Variants in TNPO3 observed in about 807,000 individuals in gnomAD.
TNPO3 encodes transportin-3.
TNPO3 carries 65 observed loss-of-function variants against 122.8 expected under a neutral mutation model. That is an observed-to-expected ratio of 0.53 (90% CI 0.43 to 0.65). The LOEUF (loss-of-function observed/expected upper bound fraction) is 0.65. TNPO3 is among the 30% of genes least tolerant of loss of function. The pLI, the probability that TNPO3 is intolerant of heterozygous loss-of-function variation, is 0.00. For missense variants in TNPO3, 850 were observed against 1,136.7 expected (o/e 0.75, Z 3.63); for synonymous variants, 372 against 411.2 (o/e 0.90, Z 1.15).
At chr7:129,053,278 T>C (rs1809010786) in intron 1 of TNPO3, among the ~76,000 whole-genome samples, 2 of 150,428 alleles carry the variant, frequency 1.3e-5, no homozygotes, top group East Asian at 3.9e-4. Flanking sequence ...TGTGCCGAGA[T>C]AGCACCACTG....
chr7:129,044,621 C>T (rs1807803772), intron 1 of TNPO3, among the ~76,000 whole-genome samples: 1 of 152,146 alleles, frequency 6.6e-6, no homozygotes, highest in Non-Finnish European at 1.5e-5. Context: ...TAAGGTTTAT[C>T]TTAGAGGCTT....
At chr7:129,054,381 AACAAG>A (rs1325934207) in intron 1 of TNPO3, among the ~76,000 whole-genome samples, 1 of 152,196 alleles carries the variant, frequency 6.6e-6, no homozygotes, top group Non-Finnish European at 1.5e-5. Context: ...GGAGAACTTA[AACAAG>A]ATTAGATTGA....
At position 128,981,809 on chromosome 7, in the gene TNPO3, A is replaced by G. The variant is rs191740569; in HGVS notation, c.1859+439T>C. ...AGTGATGTGATCTTAGCTCACTGCA[A>G]CCTCTGCTTCCCAGGCTCAAGTGAT... On this transcript the variant is annotated intron_variant, in intron 14 of 22. Transcript: ENST00000265388. Among the ~76,000 whole-genome samples the G allele has an allele frequency of 4.4e-3, 662 of 151,696 alleles. 7 individuals carry two copies. Among genetic ancestry groups the G allele is most frequent in the African/African-American group, 0.016 (642 of 41,364 alleles).
chr7:128,996,216 C>T (rs569037351), intron 8 of TNPO3, among the ~76,000 whole-genome samples: 7 of 152,206 alleles, frequency 4.6e-5, no homozygotes, highest in African/African-American at 9.6e-5. Flanking sequence ...AGGATGAAAT[C>T]GATGTGGCAA....
At chr7:128,985,159 T>C (rs1373666231) in intron 12 of TNPO3, among the ~76,000 whole-genome samples, 1 of 152,206 alleles carries the variant, frequency 6.6e-6, no homozygotes, top group Admixed American at 6.5e-5. Flanking sequence ...ACCTTCAAAT[T>C]TGAATTAAAA....
intron 1 of TNPO3, among the ~76,000 whole-genome samples, chr7:129,019,144 C>T (rs1050131773): frequency 3.9e-5 from 6 of 152,172 alleles, no homozygotes; most frequent in Non-Finnish European, 8.8e-5. Flanking sequence ...AAAATCTGCT[C>T]TCTAGTAGCC....
chr7:128,977,518 C>T (rs565440716), intron 16 of TNPO3, among the ~76,000 whole-genome samples: 5 of 152,262 alleles, frequency 3.3e-5, no homozygotes, highest in South Asian at 4.1e-4. Flanking sequence ...GTACCAACAC[C>T]GCACCAGCAT....
intron 21 of TNPO3, among the ~76,000 whole-genome samples, chr7:128,964,614 C>T (rs1440944681): frequency 6.6e-6 from 1 of 152,038 alleles, no homozygotes; most frequent in Non-Finnish European, 1.5e-5. Context: ...GGATTACAGG[C>T]GTGAGCCACC....
At chr7:129,000,148 G>A (rs1034891331) in intron 7 of TNPO3, among the ~76,000 whole-genome samples, 5 of 152,128 alleles carry the variant, frequency 3.3e-5, no homozygotes, top group African/African-American at 9.7e-5. Context: ...TAGAGAATAA[G>A]TCAAGCTAGA....
At chr7:128,981,395 C>CCT (rs1326254352) in intron 14 of TNPO3, among the ~76,000 whole-genome samples, 1 of 152,192 alleles carries the variant, frequency 6.6e-6, no homozygotes, top group East Asian at 1.9e-4. Flanking sequence ...TTAGGCTCCT[C>CCT]CTCTTCACTT....
intron 8 of TNPO3, among the ~76,000 whole-genome samples, chr7:128,997,031 T>TC (rs1427456143): frequency 1.3e-5 from 2 of 152,162 alleles, no homozygotes; most frequent in Non-Finnish European, 2.9e-5. Flanking sequence ...CTTTTTTTTT[T>TC]CCCTAAATAG....
intron 19 of TNPO3, among the ~76,000 whole-genome samples, chr7:128,971,977 G>A (rs1000764563): frequency 6.6e-6 from 1 of 152,180 alleles, no homozygotes; most frequent in Non-Finnish European, 1.5e-5. Context: ...GCAACATGGT[G>A]AAATGCCATC....
chr7:129,053,255 G>A (rs556334797), intron 1 of TNPO3, among the ~76,000 whole-genome samples: 123 of 152,028 alleles, frequency 8.1e-4, no homozygotes, highest in Middle Eastern at 3.4e-3. Context: ...AACCTGGGAG[G>A]AGGAGGTTGC....
intron 1 of TNPO3, among the ~76,000 whole-genome samples, chr7:129,040,939 T>G (rs1408557655): frequency 6.6e-6 from 1 of 152,212 alleles, no homozygotes; most frequent in East Asian, 1.9e-4. Flanking sequence ...AAAGAATCAT[T>G]TGGCAAACTT....
At chr7:128,972,125 A>C (rs546695924) in intron 19 of TNPO3, among the ~76,000 whole-genome samples, 6 of 152,250 alleles carry the variant, frequency 3.9e-5, no homozygotes, top group Non-Finnish European at 7.3e-5. Context: ...TTTCAAAAAC[A>C]AATGAAAAAC....
At chr7:129,009,768 C>T (rs780957640) in intron 4 of TNPO3, among the ~76,000 whole-genome samples, 7 of 152,216 alleles carry the variant, frequency 4.6e-5, no homozygotes, top group Non-Finnish European at 8.8e-5. Flanking sequence ...ACAGCTTTCA[C>T]GCCCAGTCTA....
At chr7:128,955,622 G>C (rs1250604596) in intron 22 of TNPO3, among the ~76,000 whole-genome samples, 1 of 152,208 alleles carries the variant, frequency 6.6e-6, no homozygotes, top group Admixed American at 6.5e-5. Context: ...TGAGTGTGCT[G>C]TGGAAACAAG....
rs1563107419 is a variant in TNPO3, at chr7:129,027,579, A to C, written c.121-9422T>G. On this transcript the variant is annotated intron_variant, in intron 1 of 22. Transcript: ENST00000265388. ...GTCTCAAAAAAAAAAAAAAAAAAAA[A>C]AAAAAAAAAAAACAACACAAAAAAT... Among the ~76,000 whole-genome samples, 16 of 138,312 alleles carry C rather than the reference A, an allele frequency of 1.2e-4. No individual in the cohort carries two copies. In the South Asian group the frequency reaches 2.5e-3, roughly 21 times the overall value. 90.7% of individuals were successfully genotyped at this position (138,312 alleles called of 152,430 possible).
Position 128,968,857 on chromosome 7 carries a change from T to C in TNPO3, c.2598+1291A>G, listed in dbSNP as rs1399022906. Among the ~76,000 whole-genome samples the C allele has an allele frequency of 2.0e-5, 3 of 152,166 alleles. No individual in the cohort carries two copies. The East Asian group carries it at 5.8e-4, about 29-fold the overall frequency. ...TCCTGAGTAGCTGGGACTATAGATG[T>C]ATGCCACCACACCCAGCTAATTAAA... On this transcript the variant is annotated intron_variant, in intron 20 of 22. Transcript: ENST00000265388.
Sources: allele counts gnomAD v4.1 joint callset (sites outside exome capture counted in the v4.1 genomes callset), GRCh38; gene constraint gnomAD v4.1.1; transcripts MANE v1.5; gene names NCBI Gene and HGNC (gene_info 2026-07-23, HGNC 2026-07-21).